Variants in KDM4C observed in about 807,000 individuals in gnomAD.
The protein encoded by KDM4C is lysine demethylase 4C, also known as lysine-specific demethylase 4C.
KDM4C carries 81 observed loss-of-function variants against 129.3 expected under a neutral mutation model. The observed-to-expected ratio is 0.63, with a 90% confidence interval of 0.52 to 0.75. KDM4C has a LOEUF of 0.75. Among genes scored for constraint, KDM4C ranks in the 30% least tolerant of loss-of-function variants. The pLI, the probability that KDM4C is intolerant of heterozygous loss-of-function variation, is 0.00. For synonymous variants in KDM4C, 573 were observed against 456.1 expected, an observed-to-expected ratio of 1.26 and a Z score of -3.26; for missense variants, 1,457 against 1,304.0, an observed-to-expected ratio of 1.12 and a Z score of -1.81.
intron 4 of KDM4C, chr9:6,834,967 C>T: frequency 1.0e-6 from 1 of 1,001,274 alleles, no homozygotes; most frequent in Non-Finnish European, 1.6e-6. Context: ...GATATGCCCT[C>T]CCCCACACCA....
At chr9:6,817,121 G>A (rs1832246525) in intron 4 of KDM4C, among the ~76,000 whole-genome samples, 1 of 151,456 alleles carries the variant, frequency 6.6e-6, no homozygotes, top group Admixed American at 6.6e-5. Context: ...CACGAGGGTT[G>A]GGATTTGTTT....
At chr9:6,880,832 C>T (rs774466362) in intron 6 of KDM4C, among the ~76,000 whole-genome samples, 57 of 152,180 alleles carry the variant, frequency 3.7e-4, no homozygotes, top group Non-Finnish European at 7.9e-4. Context: ...TTGCCCTCAT[C>T]TACTTACGTA....
intron 8 of KDM4C, chr9:6,925,330 G>T (rs902398146): frequency 2.0e-6 from 2 of 985,292 alleles, no homozygotes; most frequent in African/African-American, 3.5e-5. Context: ...GCTTTCATCA[G>T]TTGGGCGTCT....
chr9:7,013,230 A>C (rs935208493), intron 13 of KDM4C, among the ~76,000 whole-genome samples: 3 of 152,238 alleles, frequency 2.0e-5, no homozygotes, highest in African/African-American at 7.2e-5. Context: ...ACTTTCAAGT[A>C]AGTACTAAAC....
intron 4 of KDM4C, among the ~76,000 whole-genome samples, chr9:6,816,057 C>T (rs112768499): frequency 1.3e-5 from 2 of 151,864 alleles, no homozygotes; most frequent in African/African-American, 4.8e-5. Flanking sequence ...TTATAACTGT[C>T]CCCCCGCCCT....
intron 1 of KDM4C, among the ~76,000 whole-genome samples, chr9:6,771,054 G>C (rs533882433): frequency 2.8e-5 from 4 of 144,296 alleles, no homozygotes; most frequent in African/African-American, 1.0e-4. Flanking sequence ...GATTACAGGC[G>C]TGAGCCACTG....
intron 5 of KDM4C, among the ~76,000 whole-genome samples, chr9:6,860,543 C>G (rs777646458): frequency 2.6e-5 from 4 of 152,014 alleles, no homozygotes; most frequent in Non-Finnish European, 5.9e-5. Flanking sequence ...TGAAATTATC[C>G]CTACAACCAA....
At chr9:6,789,772 G>A (rs1289350133) in intron 1 of KDM4C, among the ~76,000 whole-genome samples, 1 of 152,060 alleles carries the variant, frequency 6.6e-6, no homozygotes, top group Non-Finnish European at 1.5e-5. Context: ...GTGAACAGAG[G>A]CAGGTAGGAA....
chr9:6,834,720 CCTT>C (rs1835543666), intron 4 of KDM4C: 2 of 913,818 alleles, frequency 2.2e-6, no homozygotes, highest in South Asian at 2.6e-5. Context: ...TGGCACCACA[CCTT>C]CTAAAGGGAG....
chr9:6,815,332 A>G (rs1831884423), intron 4 of KDM4C, among the ~76,000 whole-genome samples: 1 of 151,996 alleles, frequency 6.6e-6, no homozygotes, highest in Non-Finnish European at 1.5e-5. Flanking sequence ...GTCTTTTGAA[A>G]CCTTCTATGC....
intron 19 of KDM4C, among the ~76,000 whole-genome samples, chr9:7,147,206 A>C (rs537554387): frequency 6.6e-6 from 1 of 152,320 alleles, no homozygotes; most frequent in South Asian, 2.1e-4. Context: ...GTTTTCTTTG[A>C]CTGTGAGTGG....
At chr9:7,028,622 C>G (rs548205409) in intron 15 of KDM4C, among the ~76,000 whole-genome samples, 53 of 152,172 alleles carry the variant, frequency 3.5e-4, no homozygotes, top group African/African-American at 1.3e-3. Context: ...TCCAGTGGCT[C>G]TGAGCCCAGT....
chr9:6,960,991 G>T (rs963309299), intron 8 of KDM4C, among the ~76,000 whole-genome samples: 3 of 152,154 alleles, frequency 2.0e-5, no homozygotes, highest in Non-Finnish European at 4.4e-5. Flanking sequence ...GCGACATGGG[G>T]TTCAGTGATG....
chr9:7,066,296 TC>T (rs1476930301), intron 17 of KDM4C, among the ~76,000 whole-genome samples: 1 of 152,164 alleles, frequency 6.6e-6, no homozygotes, highest in Non-Finnish European at 1.5e-5. Context: ...ATGTATGGTA[TC>T]CCCCTCTCCA....
chr9:6,832,741 T>A (rs1013746883), intron 4 of KDM4C, among the ~76,000 whole-genome samples: 42 of 121,924 alleles, frequency 3.4e-4, no homozygotes, highest in Admixed American at 2.5e-3. Flanking sequence ...TTTTTTTTTT[T>A]ACGGAGATGG....
At chr9:6,759,875 A>G (rs1472277743) in intron 1 of KDM4C, among the ~76,000 whole-genome samples, 1 of 150,824 alleles carries the variant, frequency 6.6e-6, no homozygotes, top group Non-Finnish European at 1.5e-5. Flanking sequence ...CTGGAAGTGG[A>G]GGTTGCCGTG....
intron 18 of KDM4C, among the ~76,000 whole-genome samples, chr9:7,117,404 C>T (rs7023759): frequency 0.45 from 67,904 of 151,868 alleles, 15,515 homozygotes; most frequent in East Asian, 0.75. Context: ...GGAGTTACCA[C>T]TGAGTGATAC....
intron 8 of KDM4C, among the ~76,000 whole-genome samples, chr9:6,935,065 T>G (rs1233047327): frequency 1.3e-5 from 2 of 152,052 alleles, no homozygotes; most frequent in Non-Finnish European, 2.9e-5. Flanking sequence ...TTCCAGAAAT[T>G]TATTAAATAC....
chr9:6,906,530 G>T (rs537033652), intron 8 of KDM4C, among the ~76,000 whole-genome samples: 2 of 152,188 alleles, frequency 1.3e-5, no homozygotes, highest in Non-Finnish European at 2.9e-5. Context: ...CTCCCTAGTA[G>T]CTGGGACTAC....
Sources: gnomAD v4.1 joint callset for allele counts (sites outside exome capture counted in the v4.1 genomes callset) on GRCh38, gnomAD v4.1.1 for gene constraint, MANE v1.5 for transcripts, NCBI Gene and HGNC (gene_info 2026-07-23, HGNC 2026-07-21) for gene names.